Variants in XPO5 observed in about 807,000 individuals in gnomAD.
XPO5 encodes the protein exportin 5.
In XPO5, 46 loss-of-function variants were observed where a neutral mutation model predicts 160.6. The ratio of observed to expected loss-of-function variants is 0.29; its 90% CI spans 0.23 to 0.37. The LOEUF (loss-of-function observed/expected upper bound fraction) is 0.37, where lower values mean the gene tolerates loss of function less well. XPO5 is among the 10% of genes least tolerant of loss of function. The pLI is 1.00. For missense variants in XPO5, 1,090 were observed against 1,463.9 expected (o/e 0.74, Z 4.17); for synonymous variants, 537 against 519.3 (o/e 1.03, Z -0.46).
chr6:43,543,724 G>A (rs898340424), intron 20 of XPO5, among the ~76,000 whole-genome samples: 1 of 151,636 alleles, frequency 6.6e-6, no homozygotes, highest in Admixed American at 6.6e-5. Flanking sequence ...CAGGGACAGG[G>A]AAGACTCTTC....
chr6:43,558,183 T>C (rs1325247133), intron 12 of XPO5, among the ~76,000 whole-genome samples: 1 of 152,118 alleles, frequency 6.6e-6, no homozygotes, highest in African/African-American at 2.4e-5. Context: ...TTTCCACTTT[T>C]TGGGGGAAAG....
chr6:43,547,756 G>A, intron 18 of XPO5, 49 bp from the exon 19 acceptor site: 1 of 1,552,078 alleles, frequency 6.4e-7, no homozygotes, highest in East Asian at 2.2e-5. Flanking sequence ...TTTAAACAAG[G>A]ACAGTTTCTT....
chr6:43,538,139 C>CTTTTTTTTTTTTTTT (rs1160662301), intron 20 of XPO5, among the ~76,000 whole-genome samples: 1 of 48,920 alleles, frequency 2.0e-5, no homozygotes, highest in African/African-American at 8.3e-5. Context: ...TAAGAGACAT[C>CTTTTTTTTTTTTTTT]TTTTTTTTTT....
At position 43,547,851 on chromosome 6, in the gene XPO5, T is replaced by C. The variant is rs367762557; in HGVS notation, c.2061-144A>G. The C allele has an allele frequency of 1.3e-4, 82 of 632,036 alleles. No individual in the cohort carries two copies. In the East Asian group the frequency reaches 2.2e-3, roughly 17 times the overall value. The allele number at this position is 632,036 out of a possible 1,614,324, so 39.2% of individuals were successfully genotyped here. On this transcript the variant is annotated intron_variant, in intron 18 of 31. Transcript: ENST00000265351. ...GAGTATAATCATACTAATTGTCAGTTGTCATTTGAAGGTTTAAATTTCCCT... is the reference window on the plus strand; with the variant it reads ...GAGTATAATCATACTAATTGTCAGTCGTCATTTGAAGGTTTAAATTTCCCT...
At chr6:43,534,873 G>A (rs530501058) in intron 20 of XPO5, among the ~76,000 whole-genome samples, 3 of 152,010 alleles carry the variant, frequency 2.0e-5, no homozygotes, top group East Asian at 1.9e-4. Flanking sequence ...TGGTGCATGC[G>A]TGTAATCCCA....
intron 21 of XPO5, among the ~76,000 whole-genome samples, chr6:43,532,696 C>T (rs1794056112): frequency 6.6e-6 from 1 of 152,224 alleles, no homozygotes; most frequent in Non-Finnish European, 1.5e-5. Context: ...TGGGAGTCAG[C>T]CTTCTGACTT....
At chr6:43,536,487 G>A (rs1404209908) in intron 20 of XPO5, among the ~76,000 whole-genome samples, 2 of 150,368 alleles carry the variant, frequency 1.3e-5, no homozygotes, top group African/African-American at 2.5e-5. Context: ...GGCCAGATGC[G>A]GTGGCTTATG....
In XPO5 at chr6:43,539,354, C is replaced by T. The variant is rs113479960; in HGVS notation, c.2343-5347G>A. ...CTTGAACCTGGTGCGCTGGCCAGCA[C>T]GGGTCTGCTTCTGCACTGGCATAAT... On this transcript the variant is annotated intron_variant, in intron 20 of 31. Coordinates refer to ENST00000265351, the MANE Select transcript of XPO5 (RefSeq NM_020750.3). 5.4e-3 allele frequency: 8,565 copies of T among 1,580,564 alleles called. 289 individuals carry two copies. In the African/African-American group the frequency reaches 0.087, roughly 16 times the overall value.
rs1405225541 is a variant in XPO5 at position 43,573,576 on chromosome 6, C to A, written c.131G>T (p.Cys44Phe). The change falls in exon 2 of 32, where the codon TGT becomes TTT. Residue 44 changes from cysteine to phenylalanine, a missense_variant. Around this residue, in one of 3 missense-constraint regions of XPO5, gnomAD observed 170 missense variants for 227.0 expected, o/e 0.75. Transcript: ENST00000265351. Reference protein sequence around the residue: ...LKFCEEFKEKCPICVPCGLRL... With the variant: ...LKFCEEFKEKFPICVPCGLRL... The stretch of plus-strand genomic sequence containing the variant: ...CAAGCCACAGGGGACACAGATAGGA[C>A]ACTTTTCTTTAAACTCCTCACAAAA... 1 of 1,613,442 alleles carries A rather than the reference C, an allele frequency of 6.2e-7. No individual in the cohort carries two copies.
intron 5 of XPO5, among the ~76,000 whole-genome samples, chr6:43,570,167 C>T (rs1762931658): frequency 1.3e-5 from 2 of 150,876 alleles, no homozygotes; most frequent in African/African-American, 2.4e-5. Flanking sequence ...AAAAAATCAG[C>T]CGGGCCTGGT....
chr6:43,530,579 C>T (rs1173764329), intron 23 of XPO5, 109 bp downstream of exon 23: 1 of 1,318,452 alleles, frequency 7.6e-7, no homozygotes, highest in Non-Finnish European at 1.0e-6. Context: ...TACATAATCT[C>T]ATCTCTTCCT....
rs1477057938 is a variant in XPO5, at chr6:43,523,307, A to G, written c.*561T>C. The G allele has an allele frequency of 8.6e-6, 2 of 233,878 alleles. No individual in the cohort carries two copies. Among genetic ancestry groups the G allele is most frequent in the East Asian group, 2.1e-4 (2 of 9,498 alleles). 14.5% of individuals were successfully genotyped at this position (233,878 alleles called of 1,614,324 possible). A position where few individuals can be genotyped will look rare whatever the true frequency, so the allele number is the denominator to read the frequency against. ...CATCAGGTGACCAGATTCTTGCCCA[A>G]AGCAAAGTTGAGAGAACTGACCAAG... On this transcript the variant is annotated 3_prime_UTR_variant, in exon 32 of 32. Coordinates refer to ENST00000265351, the MANE Select transcript of XPO5 (RefSeq NM_020750.3).
chr6:43,570,001 ATCT>A (rs1335362746), intron 5 of XPO5, among the ~76,000 whole-genome samples: 1 of 121,280 alleles, frequency 8.2e-6, no homozygotes, highest in Non-Finnish European at 1.6e-5. Flanking sequence ...CGAGATCCCT[ATCT>A]TTTTTTTTTT....
intron 8 of XPO5, among the ~76,000 whole-genome samples, chr6:43,562,879 T>A (rs931565772): frequency 5.3e-5 from 8 of 152,206 alleles, no homozygotes; most frequent in African/African-American, 1.9e-4. Flanking sequence ...CGTTATTCAT[T>A]TAATTAACAG....
At position 43,553,380 on chromosome 6, in the gene XPO5, T is replaced by C. The variant is rs553230160; in HGVS notation, c.1565A>G (p.Asn522Ser). The part of the protein sequence containing the change: ...SVITQMFRTL[N>S]REEIPVNDGI... ...TGGGAAATAATTACTTACTTCTCTA[T>C]TTAGTGTTCGAAACATCTGGGTGAT... Residue 522 changes from asparagine (N) to serine (S), a missense_variant, in exon 14 of 32, where the codon AAT (asparagine) becomes AGT (serine). Transcript: ENST00000265351. The C allele has an allele frequency of 1.1e-5, 18 of 1,608,588 alleles. No individual in the cohort carries two copies. Among genetic ancestry groups the C allele is most frequent in the Non-Finnish European group, 1.5e-5 (18 of 1,177,452 alleles).
At chr6:43,545,391 A>G (rs1478417367) in intron 20 of XPO5, among the ~76,000 whole-genome samples, 1 of 152,110 alleles carries the variant, frequency 6.6e-6, no homozygotes, top group Non-Finnish European at 1.5e-5. Flanking sequence ...ACTGAAACAG[A>G]GCTCTAACAA....
At chr6:43,571,536 A>C (rs544154836) in intron 3 of XPO5, among the ~76,000 whole-genome samples, 4 of 152,358 alleles carry the variant, frequency 2.6e-5, no homozygotes, top group African/African-American at 7.2e-5. Context: ...TCCAGTCATC[A>C]CACCTGTAAT....
At chr6:43,564,714 A>G (rs1274774590) in intron 8 of XPO5, among the ~76,000 whole-genome samples, 1 of 151,896 alleles carries the variant, frequency 6.6e-6, no homozygotes, top group African/African-American at 2.4e-5. Flanking sequence ...TGACCCTCCC[A>G]CCTCAGCCTT....
chr6:43,547,828 G>GTT (rs1175764657), intron 18 of XPO5, 121 bp from the exon 19 acceptor site: 2 of 713,026 alleles, frequency 2.8e-6, no homozygotes, highest in African/African-American at 3.5e-5. Flanking sequence ...AGTGAGAGGA[G>GTT]TATAATCATA....
Sources: gnomAD v4.1 joint callset for allele counts (sites outside exome capture counted in the v4.1 genomes callset) on GRCh38, gnomAD v4.1.1 for gene constraint, gnomAD v4.1.1 regional missense constraint, MANE v1.5 for transcripts, NCBI Gene and HGNC (gene_info 2026-07-23, HGNC 2026-07-21) for gene names.